The following DCAF10 variants were observed in gnomAD, a reference collection of about 807,000 sequenced individuals.
DCAF10 encodes the protein DDB1 and CUL4 associated factor 10, also known as DDB1- and CUL4-associated factor 10.
Under a neutral mutation model 51.9 loss-of-function variants are expected in DCAF10, and 19 were observed. The observed-to-expected ratio is 0.37, with a 90% CI of 0.26 to 0.54. DCAF10 has a LOEUF of 0.54. Among genes scored for constraint, DCAF10 ranks in the 20% least tolerant of loss-of-function variants. The pLI is 0.87. For missense variants in DCAF10, 510 were observed against 730.6 expected (o/e 0.70, Z 3.48); for synonymous variants, 291 against 297.1 (o/e 0.98, Z 0.21).
At position 37,800,797 on chromosome 9, in the gene DCAF10, A is replaced by G. The variant is rs942116184; in HGVS notation, c.-70A>G. 2 of 1,513,110 alleles carry G rather than the reference A, an allele frequency of 1.3e-6. No homozygotes were observed. The highest frequency in any genetic ancestry group is 2.5e-5 in the East Asian group (1 of 40,754). 93.7% of individuals were successfully genotyped at this position (1,513,110 alleles called of 1,614,324 possible). ...TAGGCCGCTGCACGCCGGAAGTGGC[A>G]GCTGAACAGGGGCACTGAGGTGTCG... is the stretch of plus-strand genomic sequence containing the variant. On this transcript the variant is annotated 5_prime_UTR_variant, in exon 1 of 7. Coordinates refer to ENST00000377724, the MANE Select transcript of DCAF10 (RefSeq NM_024345.5).
At position 37,864,839 on chromosome 9, in the gene DCAF10, A is replaced by T. The variant is rs759305269; in HGVS notation, c.*3331A>T. 15 of 152,114 alleles carry T rather than the reference A, an allele frequency of 9.9e-5. No individual in the cohort carries two copies. Among genetic ancestry groups the T allele is most frequent in the Non-Finnish European group, 1.6e-4 (11 of 68,036 alleles). 9.4% of individuals were successfully genotyped at this position (152,114 alleles called of 1,614,324 possible). On this transcript the variant is annotated 3_prime_UTR_variant, in exon 7 of 7. Coordinates refer to ENST00000377724, the MANE Select transcript of DCAF10 (RefSeq NM_024345.5). Reference sequence around the variant, plus strand: ...AAATAATATACAGACTTCACTACTAACCCTCACAAAAACTTGCAGGGTAGG... The same window carrying T: ...AAATAATATACAGACTTCACTACTATCCCTCACAAAAACTTGCAGGGTAGG...
At chr9:37,806,675 A>C (rs1829124032) in intron 1 of DCAF10, among the ~76,000 whole-genome samples, 1 of 152,204 alleles carries the variant, frequency 6.6e-6, no homozygotes, top group African/African-American at 2.4e-5. Context: ...CAGATGATCG[A>C]GGCCTGTGGG....
chr9:37,845,517 AG>A (rs781018902), intron 3 of DCAF10, among the ~76,000 whole-genome samples: 93 of 152,358 alleles, frequency 6.1e-4, no homozygotes, highest in Non-Finnish European at 1.2e-3. Flanking sequence ...AGGAAGAAAT[AG>A]AAAACCTGAA....
Position 37,801,198 on chromosome 9 carries a change from G to A in DCAF10, c.332G>A (p.Gly111Asp), listed in dbSNP as rs1589068146. Residue 111 changes from glycine to aspartate, a missense_variant, in exon 1 of 7, where the codon GGC (glycine) becomes GAC (aspartate). Coordinates refer to ENST00000377724, the MANE Select transcript of DCAF10 (RefSeq NM_024345.5). The surrounding 1 kb of genome is among the most constrained non-coding windows in gnomAD (Gnocchi z 5.5). ...AGGGCCAAGAGCCGGGGCCGACACG[G>A]CCTCGGCGCGGGCCTGGGCGGCCCT... Reference protein sequence around the residue: ...DCRAKSRGRHGLGAGLGGPGA... With the variant: ...DCRAKSRGRHDLGAGLGGPGA... The A allele has an allele frequency of 6.5e-7, 1 of 1,548,522 alleles. No homozygotes were observed. The highest frequency in any genetic ancestry group is 8.7e-7 in the Non-Finnish European group (1 of 1,149,554).
intron 3 of DCAF10, among the ~76,000 whole-genome samples, chr9:37,850,823 ATT>A (rs779412631): frequency 2.2e-3 from 131 of 60,608 alleles, no homozygotes; most frequent in Middle Eastern, 7.0e-3. Context: ...GTGAGGATAT[ATT>A]TTATATATAT....
rs533557196 is a variant in DCAF10 at position 37,801,718 on chromosome 9, T to G, written c.539+313T>G. 6.6e-5 allele frequency among the ~76,000 whole-genome samples: 10 copies of G among 152,220 alleles called. No homozygotes were observed. The highest frequency in any genetic ancestry group is 1.3e-4 in the Non-Finnish European group (9 of 68,042). On this transcript the variant is annotated intron_variant, in intron 1 of 6. Transcript: ENST00000377724. The surrounding 1 kb of genome is among the most constrained non-coding windows in gnomAD (Gnocchi z 5.5). ...ACAACTAGGGCTTTCTGGTACACAG[T>G]AGGTGCTCAGTAAATACATTTTGAA...
chr9:37,835,570 T>A (rs1396396710), intron 2 of DCAF10, among the ~76,000 whole-genome samples: 6 of 150,268 alleles, frequency 4.0e-5, no homozygotes, highest in African/African-American at 1.5e-4. Context: ...AGAGTGAGAC[T>A]CCGTCCAAAA....
chr9:37,832,909 G>A (rs571525492), intron 2 of DCAF10, among the ~76,000 whole-genome samples: 171 of 151,856 alleles, frequency 1.1e-3, no homozygotes, highest in African/African-American at 3.7e-3. Flanking sequence ...TTTTTGACAG[G>A]GTCTTGCTCT....
chr9:37,800,571 C>A (rs901659607), upstream of DCAF10: 3 of 1,535,692 alleles, frequency 2.0e-6, no homozygotes, highest in Non-Finnish European at 2.6e-6. Flanking sequence ...CCCAGGCACG[C>A]GGCCACCGGT....
chr9:37,836,493 A>G, intron 2 of DCAF10: 1 of 1,006,968 alleles, frequency 9.9e-7, no homozygotes, highest in East Asian at 2.4e-5. Flanking sequence ...AGATGATTTG[A>G]GTCTGCCCTA....
At chr9:37,858,811 C>T (rs190155913) in intron 5 of DCAF10, among the ~76,000 whole-genome samples, 10 of 152,308 alleles carry the variant, frequency 6.6e-5, no homozygotes, top group Non-Finnish European at 1.2e-4. Context: ...GACATGAAAT[C>T]TGCTGTGGAT....
Position 37,867,139 on chromosome 9 carries a change from C to A in DCAF10, c.*5631C>A, listed in dbSNP as rs1051597869. The A allele has an allele frequency of 2.0e-5, 3 of 152,014 alleles. No individual in the cohort carries two copies. The highest frequency in any genetic ancestry group is 4.4e-5 in the Non-Finnish European group (3 of 68,008). 9.4% of individuals were successfully genotyped at this position (152,014 alleles called of 1,614,324 possible). A position where few individuals can be genotyped will look rare whatever the true frequency, so the allele number is the denominator to read the frequency against. ...AAGGAAAATCTCAAAGTTACCATTA[C>A]GCTGCTCTCTTGTAAATGAACTAGG... On this transcript the variant is annotated 3_prime_UTR_variant, in exon 7 of 7. Coordinates refer to ENST00000377724, the MANE Select transcript of DCAF10 (RefSeq NM_024345.5).
intron 1 of DCAF10, among the ~76,000 whole-genome samples, chr9:37,804,699 T>C (rs961375150): frequency 6.6e-5 from 10 of 151,488 alleles, no homozygotes; most frequent in African/African-American, 2.2e-4. Context: ...TCGCTTGAAC[T>C]TGGGAGGTAG....
intron 1 of DCAF10, among the ~76,000 whole-genome samples, chr9:37,802,696 GCTGGGGTCT>G (rs1828993827): frequency 6.6e-6 from 1 of 152,322 alleles, no homozygotes; most frequent in African/African-American, 2.4e-5. Flanking sequence ...CACACGTGGT[GCTGGGGTCT>G]CTGGGGTCTC....
intron 1 of DCAF10, among the ~76,000 whole-genome samples, chr9:37,814,141 TG>T (rs567601740): frequency 7.8e-6 from 1 of 128,780 alleles, no homozygotes; most frequent in African/African-American, 3.0e-5. Context: ...TTGTTGTTGT[TG>T]TTGTTGTTGT....
At chr9:37,828,786 G>A (rs1829927094) in intron 2 of DCAF10, among the ~76,000 whole-genome samples, 10 of 152,042 alleles carry the variant, frequency 6.6e-5, no homozygotes, top group Admixed American at 5.9e-4. Context: ...GAGAGGTTTG[G>A]CTATATATAT....
intron 4 of DCAF10, among the ~76,000 whole-genome samples, 191 bp from the exon 5 acceptor site, chr9:37,857,050 A>C (rs1010679476): frequency 1.3e-5 from 2 of 152,186 alleles, no homozygotes; most frequent in Admixed American, 1.3e-4. Context: ...CTTTGATATA[A>C]AAGATTCAGA....
chr9:37,828,930 G>A (rs1829931477), intron 2 of DCAF10, among the ~76,000 whole-genome samples: 1 of 152,156 alleles, frequency 6.6e-6, no homozygotes, highest in African/African-American at 2.4e-5. Context: ...TGTATTCTAA[G>A]TGTAAGAAAG....
chr9:37,827,822 G>A (rs1015964545), intron 2 of DCAF10, among the ~76,000 whole-genome samples: 9 of 152,186 alleles, frequency 5.9e-5, no homozygotes, highest in Admixed American at 1.3e-4. Flanking sequence ...GCAAAAAGGT[G>A]ATCTAGAGAT....
Sources: allele counts gnomAD v4.1 joint callset (sites outside exome capture counted in the v4.1 genomes callset), GRCh38; gene constraint gnomAD v4.1.1; non-coding constraint Gnocchi (gnomAD v3.1); transcripts MANE v1.5; gene names NCBI Gene and HGNC (gene_info 2026-07-23, HGNC 2026-07-21).